PTPRG: variants seen among roughly 807,000 people sequenced by gnomAD.
PTPRG encodes protein tyrosine phosphatase receptor type G.
Under a neutral mutation model 165.3 loss-of-function variants are expected in PTPRG, and 102 were observed. The ratio of observed to expected loss-of-function variants is 0.62; its 90% CI spans 0.53 to 0.73. The LOEUF is 0.73. PTPRG is among the 30% of genes least tolerant of loss of function. The probability of loss-of-function intolerance (pLI) is 0.00; values close to 1 mark genes in which losing one functional copy is unlikely to be tolerated. For synonymous variants in PTPRG, 675 were observed against 669.5 expected, an observed-to-expected ratio of 1.01 and a Z score of -0.13; for missense variants, 1,866 against 1,861.4, an observed-to-expected ratio of 1.00 and a Z score of -0.05.
intron 4 of PTPRG, among the ~76,000 whole-genome samples, chr3:62,045,226 G>C (rs1700251291): frequency 6.6e-6 from 1 of 152,122 alleles, no homozygotes; most frequent in South Asian, 2.1e-4. Context: ...TTCCCCAGAT[G>C]GAAAGCCTTG....
At chr3:61,637,799 G>T (rs1287408468) in intron 1 of PTPRG, among the ~76,000 whole-genome samples, 1 of 152,130 alleles carries the variant, frequency 6.6e-6, no homozygotes, top group Non-Finnish European at 1.5e-5. Context: ...AAACTCTGCT[G>T]CCCAGGAAAC....
intron 28 of PTPRG, among the ~76,000 whole-genome samples, chr3:62,287,475 C>T (rs1002395375): frequency 8.6e-5 from 13 of 151,796 alleles, no homozygotes; most frequent in African/African-American, 2.9e-4. Context: ...GGAACAAATT[C>T]GGCCTAAGAA....
At chr3:61,705,249 A>C (rs146855508) in intron 1 of PTPRG, among the ~76,000 whole-genome samples, 1 of 152,182 alleles carries the variant, frequency 6.6e-6, no homozygotes, top group African/African-American at 2.4e-5. Flanking sequence ...GTGAGGAACA[A>C]GTGGAAATTA....
intron 6 of PTPRG, among the ~76,000 whole-genome samples, chr3:62,139,127 G>C (rs757673036): frequency 6.6e-6 from 1 of 152,110 alleles, no homozygotes; most frequent in African/African-American, 2.4e-5. Flanking sequence ...AGGTGTAATA[G>C]GTTTCTTTTT....
rs559627624 is a variant in PTPRG, at chr3:61,912,179, G to A, written c.191-77446G>A. Among the ~76,000 whole-genome samples, 415 of 151,902 alleles carry A rather than the reference G, an allele frequency of 2.7e-3. 8 individuals are homozygous for A. Among genetic ancestry groups the A allele is most frequent in the Middle Eastern group, 6.8e-3 (2 of 294 alleles). ...ATTCCTTGGTACTCTTAGAAAATGC[G>A]CAACAGTATAGTCAGCTTTAGAAAT... On this transcript the variant is annotated intron_variant, in intron 2 of 29. Coordinates refer to ENST00000474889, the MANE Select transcript of PTPRG (RefSeq NM_002841.4).
At chr3:62,227,058 A>G (rs182436796) in intron 13 of PTPRG, among the ~76,000 whole-genome samples, 1 of 152,272 alleles carries the variant, frequency 6.6e-6, no homozygotes, top group Admixed American at 6.5e-5. Context: ...TGTTGGCATA[A>G]TGGAGGCTCA....
At chr3:61,861,137 G>C (rs2107403184) in intron 2 of PTPRG, among the ~76,000 whole-genome samples, 1 of 152,204 alleles carries the variant, frequency 6.6e-6, no homozygotes, top group East Asian at 1.9e-4. Flanking sequence ...TCAATCATTG[G>C]TTTCTTTTTA....
At chr3:61,654,874 C>T (rs745566116) in intron 1 of PTPRG, among the ~76,000 whole-genome samples, 15 of 151,260 alleles carry the variant, frequency 9.9e-5, no homozygotes, top group Non-Finnish European at 1.6e-4. Context: ...CTCTGCCTCC[C>T]GGGTTCAAGA....
chr3:61,871,403 A>T (rs916745564), intron 2 of PTPRG, among the ~76,000 whole-genome samples: 31 of 151,150 alleles, frequency 2.1e-4, no homozygotes, highest in African/African-American at 4.6e-4. Context: ...ATTAAAAAAA[A>T]TTTTTTTTTG....
At chr3:61,876,656 C>A (rs924277149) in intron 2 of PTPRG, among the ~76,000 whole-genome samples, 3 of 152,144 alleles carry the variant, frequency 2.0e-5, no homozygotes, top group Admixed American at 6.5e-5. Flanking sequence ...CATCTGTAAT[C>A]CCAGCACTTT....
At chr3:62,256,363 TTAAG>T (rs1184047682) in intron 16 of PTPRG, among the ~76,000 whole-genome samples, 2 of 152,316 alleles carry the variant, frequency 1.3e-5, no homozygotes, top group Admixed American at 6.5e-5. Context: ...TTGTTTTAAA[TTAAG>T]TCTTTCTCTT....
intron 2 of PTPRG, among the ~76,000 whole-genome samples, chr3:61,756,391 G>A (rs978451511): frequency 5.3e-5 from 8 of 152,150 alleles, no homozygotes; most frequent in African/African-American, 1.2e-4. Flanking sequence ...GGTAGATGGT[G>A]TAAGAAAAAA....
chr3:61,890,371 G>T (rs1392975368), intron 2 of PTPRG, among the ~76,000 whole-genome samples: 2 of 148,402 alleles, frequency 1.3e-5, no homozygotes, highest in East Asian at 3.9e-4. Flanking sequence ...GCGATGGTCA[G>T]TGGAAGTATT....
In PTPRG at chr3:61,620,667, C is replaced by T. The variant is rs537184228; in HGVS notation, c.85+58295C>T. On this transcript the variant is annotated intron_variant, in intron 1 of 29. Transcript: ENST00000474889. ...TTTGAAATGGAGTTAACGCTCTTGT[C>T]ACCCAGGCTGGAGTGCAATAGTGCG... 3.3e-5 allele frequency among the ~76,000 whole-genome samples: 5 copies of T among 151,932 alleles called. 1 individual carries two copies. The South Asian group carries it at 6.2e-4, about 19-fold the overall frequency.
intron 2 of PTPRG, among the ~76,000 whole-genome samples, chr3:61,919,878 C>G (rs1008408370): frequency 1.3e-5 from 2 of 152,194 alleles, no homozygotes; most frequent in Non-Finnish European, 2.9e-5. Context: ...GGCGAACAGT[C>G]CAGTCGTGGG....
intron 5 of PTPRG, among the ~76,000 whole-genome samples, chr3:62,126,528 C>G (rs750578185): frequency 2.0e-4 from 30 of 152,098 alleles, no homozygotes; most frequent in Admixed American, 1.5e-3. Context: ...TCTCATTTGC[C>G]GATGGAAACC....
intron 1 of PTPRG, among the ~76,000 whole-genome samples, chr3:61,699,076 C>G (rs555512086): frequency 6.6e-6 from 1 of 151,862 alleles, no homozygotes; most frequent in African/African-American, 2.4e-5. Flanking sequence ...TGTTAAATCA[C>G]GAGTTAATGG....
At chr3:61,877,449 A>G (rs1168631116) in intron 2 of PTPRG, among the ~76,000 whole-genome samples, 1 of 152,198 alleles carries the variant, frequency 6.6e-6, no homozygotes, top group African/African-American at 2.4e-5. Context: ...AGAAGCCACA[A>G]AGGTGCCTAC....
intron 2 of PTPRG, among the ~76,000 whole-genome samples, chr3:61,940,198 C>T (rs1010001355): frequency 7.2e-5 from 11 of 152,036 alleles, no homozygotes; most frequent in Non-Finnish European, 1.6e-4. Context: ...CCACCTGCCT[C>T]GCTGGGTGGA....
Sources: allele counts gnomAD v4.1 joint callset (sites outside exome capture counted in the v4.1 genomes callset), GRCh38; gene constraint gnomAD v4.1.1; transcripts MANE v1.5; gene names NCBI Gene and HGNC (gene_info 2026-07-23, HGNC 2026-07-21).